The following DPH1 variants were observed in gnomAD, a reference collection of about 807,000 sequenced individuals.
The protein encoded by DPH1 is 2-(3-amino-3-carboxypropyl)histidine synthase subunit 1.
A neutral mutation model predicts 55.3 loss-of-function variants in DPH1; 59 were observed. The observed-to-expected ratio is 1.07, with a 90% CI of 0.87 to 1.33. The LOEUF (loss-of-function observed/expected upper bound fraction) is 1.33, where lower values mean the gene tolerates loss of function less well. Ranked by LOEUF, DPH1 falls within the 40% of genes most tolerant of loss-of-function variation. The pLI, the probability that DPH1 is intolerant of heterozygous loss-of-function variation, is 0.00. For synonymous variants in DPH1, 238 were observed against 235.5 expected (o/e 1.01, Z -0.10); for missense variants, 628 against 584.8 (o/e 1.07, Z -0.76).
intron 12 of DPH1, chr17:2,042,157 C>G (rs1597290433): frequency 2.7e-6 from 4 of 1,502,296 alleles, no homozygotes; most frequent in Non-Finnish European, 2.6e-6. Flanking sequence ...CGGGGTCGCG[C>G]CGAGCTCGTG....
chr17:2,038,527 C>A (rs1482660205), intron 6 of DPH1, among the ~76,000 whole-genome samples: 1 of 152,174 alleles, frequency 6.6e-6, no homozygotes, highest in African/African-American at 2.4e-5. Flanking sequence ...ACCACCTGAG[C>A]TCCGCCTCCT....
In DPH1 at chr17:2,043,392, T is replaced by C. The variant is rs1567551295; in HGVS notation, c.*806T>C. On this transcript the variant is annotated 3_prime_UTR_variant, in exon 13 of 13. Coordinates refer to ENST00000263083, the MANE Select transcript of DPH1 (RefSeq NM_001383.6). ...ATGGGGAAGGCAGAGGCTGGCACCATGGTGACTGCCACATAATAAAGTGGT... is the reference window on the plus strand; with the variant it reads ...ATGGGGAAGGCAGAGGCTGGCACCACGGTGACTGCCACATAATAAAGTGGT... 5.3e-6 allele frequency: 2 copies of C among 376,830 alleles called. No individual in the cohort carries two copies. Among genetic ancestry groups the C allele is most frequent in the Admixed American group, 4.2e-5 (1 of 23,716 alleles). 23.3% of individuals were successfully genotyped at this position (376,830 alleles called of 1,614,324 possible).
chr17:2,042,058 A>T (rs949635495), intron 12 of DPH1, 183 bp downstream of exon 12: 1 of 1,537,710 alleles, frequency 6.5e-7, no homozygotes, highest in Admixed American at 2.0e-5. Flanking sequence ...ATGGCCGCGC[A>T]GCGACCCCTG....
At chr17:2,041,721 A>G (rs780944861) in intron 11 of DPH1, 47 bp from the exon 12 acceptor site, 1 of 1,583,450 alleles carries the variant, frequency 6.3e-7, no homozygotes, top group South Asian at 1.1e-5. Flanking sequence ...GCGGAGGGAA[A>G]CGCAGGGTCG....
At chr17:2,030,652 G>A (rs1244120469) in intron 1 of DPH1, among the ~76,000 whole-genome samples, 1 of 152,236 alleles carries the variant, frequency 6.6e-6, no homozygotes, top group African/African-American at 2.4e-5. Context: ...GCTGGGTGCA[G>A]GTACTAGAAT....
chr17:2,043,168 C>G lies in DPH1; in HGVS notation c.*582C>G. ...CTAGGGGCAGCCTCCGTCATCCATGCCCTCCCAGGACCCTCCACTCACTGC... is the reference window on the plus strand; with the variant it reads ...CTAGGGGCAGCCTCCGTCATCCATGGCCTCCCAGGACCCTCCACTCACTGC... On this transcript the variant is annotated 3_prime_UTR_variant, in exon 13 of 13. Coordinates refer to ENST00000263083, the MANE Select transcript of DPH1 (RefSeq NM_001383.6). 6.5e-7 allele frequency: 1 copy of G among 1,549,308 alleles called. No individual in the cohort carries two copies. Among genetic ancestry groups the G allele is most frequent in the East Asian group, 2.2e-5 (1 of 44,480 alleles).
chr17:2,035,645 G>A (rs2151346330), intron 3 of DPH1, among the ~76,000 whole-genome samples: 1 of 152,248 alleles, frequency 6.6e-6, no homozygotes, highest in African/African-American at 2.4e-5. Flanking sequence ...TCACGGCTCT[G>A]GGTGGGTGAG....
At chr17:2,033,923 T>C in intron 3 of DPH1, 81 bp downstream of exon 3, 1 of 1,536,926 alleles carries the variant, frequency 6.5e-7, no homozygotes. Flanking sequence ...GGTAAAGCCC[T>C]GGTGGCGGGC....
chr17:2,036,729 C>A lies in DPH1; in HGVS notation c.558+43C>A. 6.2e-7 allele frequency: 1 copy of A among 1,611,208 alleles called. No individual in the cohort carries two copies. The highest frequency in any genetic ancestry group is 8.5e-7 in the Non-Finnish European group (1 of 1,178,380). Reference sequence around the variant, plus strand: ...CCTCGGCCTCCTGCAGGGTGGACAGCGGCCACTCTCCAGCTGTTGCGGGAT... The same window carrying A: ...CCTCGGCCTCCTGCAGGGTGGACAGAGGCCACTCTCCAGCTGTTGCGGGAT... On this transcript the variant is annotated intron_variant, in intron 5 of 12. Transcript: ENST00000263083. The surrounding 1 kb of genome is among the most constrained non-coding windows in gnomAD (Gnocchi z 4.8).
At chr17:2,037,045 A>G in intron 6 of DPH1, 89 bp downstream of exon 6, 1 of 1,526,328 alleles carries the variant, frequency 6.6e-7, no homozygotes, top group Non-Finnish European at 8.8e-7. Context: ...GAAAGAAACC[A>G]AATCTAATGC....
chr17:2,031,712 G>C lies in DPH1; in HGVS notation c.61+1482G>C, dbSNP rs577481532. Among the ~76,000 whole-genome samples, 4 of 152,220 alleles carry C rather than the reference G, an allele frequency of 2.6e-5. No homozygotes were observed. The East Asian group carries it at 7.7e-4, about 29-fold the overall frequency. The stretch of plus-strand genomic sequence containing the variant: ...ACCATGATTGCACCCCTGCACTCCA[G>C]CCTGGGTGATGGAGTGAGACCCTGC... On this transcript the variant is annotated intron_variant, in intron 1 of 12. Transcript: ENST00000263083.
chr17:2,042,450 C>A, intron 12 of DPH1, 155 bp from the exon 13 acceptor site: 2 of 1,292,154 alleles, frequency 1.5e-6, no homozygotes, highest in Non-Finnish European at 2.0e-6. Flanking sequence ...CTGTTCAGGC[C>A]AATCCACTCA....
intron 1 of DPH1, among the ~76,000 whole-genome samples, chr17:2,031,273 G>A (rs1200790802): frequency 6.6e-6 from 1 of 151,952 alleles, no homozygotes; most frequent in Non-Finnish European, 1.5e-5. Context: ...AAAAATAGCC[G>A]TGCGTGGCCG....
At position 2,042,746 on chromosome 17, in the gene DPH1, T is replaced by C. The variant is rs1293438900; in HGVS notation, c.*160T>C. 1 of 1,602,558 alleles carries C rather than the reference T, an allele frequency of 6.2e-7. No individual in the cohort carries two copies. Among genetic ancestry groups the C allele is most frequent in the Non-Finnish European group, 8.5e-7 (1 of 1,174,782 alleles). Reference sequence around the variant, plus strand: ...ATGGTGGCACAGGCACTGAACAGGCTGGGGCCTTTTGACGGCCTTCTTGGT... The same window carrying C: ...ATGGTGGCACAGGCACTGAACAGGCCGGGGCCTTTTGACGGCCTTCTTGGT... On this transcript the variant is annotated 3_prime_UTR_variant, in exon 13 of 13. Transcript: ENST00000263083.
At chr17:2,035,402 C>CCCTGCCTGT (rs2067398901) in intron 3 of DPH1, among the ~76,000 whole-genome samples, 1 of 57,440 alleles carries the variant, frequency 1.7e-5, no homozygotes, top group African/African-American at 5.7e-5. Context: ...GCCCTGCCTG[C>CCCTGCCTGT]GGTGGGGAGG....
chr17:2,033,178 G>C lies in DPH1; in HGVS notation c.62-327G>C, dbSNP rs113170570. 9.7e-3 allele frequency among the ~76,000 whole-genome samples: 1,479 copies of C among 152,090 alleles called. 27 individuals carry two copies. Among genetic ancestry groups the C allele is most frequent in the African/African-American group, 0.032 (1,309 of 41,510 alleles). The stretch of plus-strand genomic sequence containing the variant: ...AATTAGTTGGCATTTTTCACCTGGT[G>C]GGGGGGTGGGTGTCCTGGTTTCTGA... On this transcript the variant is annotated intron_variant, in intron 1 of 12. Coordinates refer to ENST00000263083, the MANE Select transcript of DPH1 (RefSeq NM_001383.6).
chr17:2,036,147 C>T lies in DPH1; in HGVS notation c.400+56C>T. 1 of 1,600,788 alleles carries T rather than the reference C, an allele frequency of 6.2e-7. No homozygotes were observed. On this transcript the variant is annotated intron_variant, in intron 4 of 12. Transcript: ENST00000263083. The surrounding 1 kb of genome is among the most constrained non-coding windows in gnomAD (Gnocchi z 4.8). The stretch of plus-strand genomic sequence containing the variant: ...GCGGGGCTGGCAGGGAGGCAGGCTG[C>T]ACATTCATCTTCCCCATGGCAGTGC...
chr17:2,036,320 T>C lies in DPH1; in HGVS notation c.401-209T>C. 9.4e-7 allele frequency: 1 copy of C among 1,059,170 alleles called. No homozygotes were observed. The highest frequency in any genetic ancestry group is 1.6e-5 in the African/African-American group (1 of 62,250). The allele number at this position is 1,059,170 out of a possible 1,614,324, so 65.6% of individuals were successfully genotyped here. On this transcript the variant is annotated intron_variant, in intron 4 of 12. Coordinates refer to ENST00000263083, the MANE Select transcript of DPH1 (RefSeq NM_001383.6). This position sits in a 1 kb window ranked among gnomAD's most constrained non-coding sequence, Gnocchi z 4.8. ...ATGCAGGTGTTTGAAAGGCTGTTGGTTGTAGAGCAGGCTGGGCCCCGGCCG... is the reference window on the plus strand; with the variant it reads ...ATGCAGGTGTTTGAAAGGCTGTTGGCTGTAGAGCAGGCTGGGCCCCGGCCG...
rs894500061 is a variant in DPH1 at position 2,043,818 on chromosome 17, C to G, written c.*1232C>G. Among the ~76,000 whole-genome samples, 1 of 152,168 alleles carries G rather than the reference C, an allele frequency of 6.6e-6. No individual in the cohort carries two copies. Reference sequence around the variant, plus strand: ...GCTCTAACCTCGCTGAACTATGAGCCTGAAGGGTGGGTCGATGCCAGACCT... The same window carrying G: ...GCTCTAACCTCGCTGAACTATGAGCGTGAAGGGTGGGTCGATGCCAGACCT... On this transcript the variant is annotated 3_prime_UTR_variant, in exon 13 of 13. Coordinates refer to ENST00000263083, the MANE Select transcript of DPH1 (RefSeq NM_001383.6).
Sources: allele counts gnomAD v4.1 joint callset (sites outside exome capture counted in the v4.1 genomes callset), GRCh38; gene constraint gnomAD v4.1.1; non-coding constraint Gnocchi (gnomAD v3.1); transcripts MANE v1.5; gene names NCBI Gene and HGNC (gene_info 2026-07-23, HGNC 2026-07-21).